Variants in MYLK observed in about 807,000 individuals in gnomAD.
MYLK encodes myosin light chain kinase, smooth muscle.
MYLK carries 106 observed loss-of-function variants against 203.4 expected under a neutral mutation model. The observed-to-expected ratio is 0.52, with a 90% CI of 0.45 to 0.61. The LOEUF (loss-of-function observed/expected upper bound fraction) is 0.61. MYLK is among the 20% of genes least tolerant of loss of function. The pLI, the probability that MYLK is intolerant of heterozygous loss-of-function variation, is 0.00. For synonymous variants in MYLK, 867 were observed against 959.5 expected (o/e 0.90, Z 1.78); for missense variants, 2,072 against 2,442.3 (o/e 0.85, Z 3.20).
intron 1 of MYLK, among the ~76,000 whole-genome samples, chr3:123,882,788 A>G (rs1020114841): frequency 2.0e-5 from 3 of 152,146 alleles, no homozygotes; most frequent in Non-Finnish European, 4.4e-5. Context: ...AAAAGGGGTA[A>G]CCTCACTCTG....
At chr3:123,872,249 C>A (rs191855231) in intron 2 of MYLK, among the ~76,000 whole-genome samples, 22 of 152,282 alleles carry the variant, frequency 1.4e-4, no homozygotes, top group African/African-American at 5.1e-4. Flanking sequence ...TTATGGCCCA[C>A]AAAGCCTAAA....
In MYLK at chr3:123,640,194, C is replaced by G; in HGVS notation, c.4837+93G>C. 8.1e-7 allele frequency: 1 copy of G among 1,231,744 alleles called. No homozygotes were observed. Among genetic ancestry groups the G allele is most frequent in the Non-Finnish European group, 1.2e-6 (1 of 838,126 alleles). 76.3% of individuals were successfully genotyped at this position (1,231,744 alleles called of 1,614,324 possible). On this transcript the variant is annotated intron_variant, in intron 28 of 33. Transcript: ENST00000360304. The surrounding 1 kb of genome is among the most constrained non-coding windows in gnomAD (Gnocchi z 4.3). ...AGTCTTCATGGTCTCGGATTTAACC[C>G]CAATACTGTATGTTTCCTCTCACAC...
chr3:123,801,234 A>T (rs1475869452), intron 3 of MYLK, among the ~76,000 whole-genome samples: 1 of 152,216 alleles, frequency 6.6e-6, no homozygotes, highest in African/African-American at 2.4e-5. Context: ...TTACAAAAAT[A>T]ACTTGGACCT....
intron 4 of MYLK, among the ~76,000 whole-genome samples, chr3:123,770,156 CAA>C (rs59411359): frequency 0.16 from 13,288 of 83,862 alleles, 1,921 homozygotes; most frequent in African/African-American, 0.38. Flanking sequence ...ACTAAAAATA[CAA>C]AAAAAAAAAA....
At chr3:123,825,772 T>C (rs2066095372) in intron 3 of MYLK, among the ~76,000 whole-genome samples, 1 of 152,170 alleles carries the variant, frequency 6.6e-6, no homozygotes, top group Non-Finnish European at 1.5e-5. Flanking sequence ...GGGCCCAAGA[T>C]CAGCTGTGAC....
chr3:123,637,522 A>G (rs979680707), intron 29 of MYLK, among the ~76,000 whole-genome samples: 3 of 152,068 alleles, frequency 2.0e-5, no homozygotes, highest in Non-Finnish European at 2.9e-5. Flanking sequence ...TTTCAGTTCT[A>G]ATTACTGTGT....
chr3:123,613,808 A>T lies in MYLK; in HGVS notation c.*297T>A. On this transcript the variant is annotated 3_prime_UTR_variant, in exon 34 of 34. Transcript: ENST00000360304. Reference sequence around the variant, plus strand: ...AGAATTTATGACTTTGCCCAGATAAATATTTGGTTTGGTTACTTTCTCTCT... The same window carrying T: ...AGAATTTATGACTTTGCCCAGATAATTATTTGGTTTGGTTACTTTCTCTCT... 2.5e-6 allele frequency: 1 copy of T among 398,916 alleles called. No homozygotes were observed. The highest frequency in any genetic ancestry group is 4.7e-6 in the Non-Finnish European group (1 of 214,602). The allele number at this position is 398,916 out of a possible 1,614,324, so 24.7% of individuals were successfully genotyped here. A position where few individuals can be genotyped will look rare whatever the true frequency, so the allele number is the denominator to read the frequency against.
At chr3:123,674,119 C>T (rs74875438) in intron 20 of MYLK, among the ~76,000 whole-genome samples, 3,497 of 152,232 alleles carry the variant, frequency 0.023, 58 homozygotes, top group Middle Eastern at 0.078. Flanking sequence ...ATGCCAAACA[C>T]GTACTGCCAG....
chr3:123,653,066 C>T (rs73200064), intron 24 of MYLK, among the ~76,000 whole-genome samples: 4,168 of 152,146 alleles, frequency 0.027, 93 homozygotes, highest in Non-Finnish European at 0.043. Flanking sequence ...AGTAGAAGAG[C>T]GAGAGGCAGG....
intron 3 of MYLK, among the ~76,000 whole-genome samples, chr3:123,822,636 G>A (rs965119266): frequency 1.3e-5 from 2 of 152,174 alleles, no homozygotes; most frequent in African/African-American, 4.8e-5. Flanking sequence ...CTATGACCAC[G>A]TTTGTGGGGC....
chr3:123,741,144 G>A (rs1041095458), intron 5 of MYLK, among the ~76,000 whole-genome samples: 1 of 152,144 alleles, frequency 6.6e-6, no homozygotes, highest in Non-Finnish European at 1.5e-5. Flanking sequence ...TGGGGAATTT[G>A]CAGGGAGTTT....
chr3:123,808,867 G>A (rs1001833964), intron 3 of MYLK, among the ~76,000 whole-genome samples: 50 of 152,238 alleles, frequency 3.3e-4, no homozygotes, highest in African/African-American at 1.2e-3. Flanking sequence ...CTCAGAAGTT[G>A]AGTAATAGTA....
Position 123,733,995 on chromosome 3 carries a change from T to A in MYLK, c.1001A>T (p.Gln334Leu). 6.2e-7 allele frequency: 1 copy of A among 1,614,206 alleles called. No homozygotes were observed. Among genetic ancestry groups the A allele is most frequent in the Non-Finnish European group, 8.5e-7 (1 of 1,180,042 alleles). ...GGAAGTCTTCTGAAGGACCGGGGTCTGCGGGGCCGTTCTGGGCGAGTCCTT... is the reference window on the plus strand; with the variant it reads ...GGAAGTCTTCTGAAGGACCGGGGTCAGCGGGGCCGTTCTGGGCGAGTCCTT... ...SCKDSPRTAP[Q>L]TPVLQKTSSS... Residue 334 changes from glutamine (Q) to leucine (L), a missense_variant, in exon 10 of 34, where the codon CAG (glutamine) becomes CTG (leucine). Gln to Leu is a moderately radical substitution (Grantham distance 113). Around this residue, in one of 3 missense-constraint regions of MYLK, gnomAD observed 683 missense variants for 643.8 expected, o/e 1.06. Coordinates refer to ENST00000360304, the MANE Select transcript of MYLK (RefSeq NM_053025.4).
intron 4 of MYLK, among the ~76,000 whole-genome samples, chr3:123,780,771 C>A (rs189500161): frequency 4.6e-5 from 7 of 152,318 alleles, no homozygotes; most frequent in Admixed American, 3.9e-4. Context: ...CATCACCTAA[C>A]CAAGTCTGAC....
chr3:123,714,008 G>C lies in MYLK; in HGVS notation c.1805-4115C>G, dbSNP rs2061805156. ...TTTCCCAACCCAACTAACTCCTTTG[G>C]TTGTGGAAATTCAACCTGATAATAA... On this transcript the variant is annotated intron_variant, in intron 13 of 33. Transcript: ENST00000360304. Among the ~76,000 whole-genome samples, 6 of 152,114 alleles carry C rather than the reference G, an allele frequency of 3.9e-5. No individual in the cohort carries two copies. The South Asian group carries it at 1.0e-3, about 26-fold the overall frequency.
chr3:123,738,390 C>T (rs112909137), intron 7 of MYLK, among the ~76,000 whole-genome samples: 1 of 152,240 alleles, frequency 6.6e-6, no homozygotes, highest in South Asian at 2.1e-4. Flanking sequence ...ACATGCATCC[C>T]TAACAAACAT....
intron 3 of MYLK, 130 bp from the exon 4 acceptor site, chr3:123,793,974 TC>T: frequency 2.1e-6 from 2 of 949,054 alleles, no homozygotes; most frequent in Non-Finnish European, 3.3e-6. Context: ...TAGGTCAGTG[TC>T]CACCCACAGC....
intron 23 of MYLK, among the ~76,000 whole-genome samples, chr3:123,658,612 T>C (rs2059465377): frequency 6.6e-6 from 1 of 152,150 alleles, no homozygotes; most frequent in East Asian, 1.9e-4. Flanking sequence ...AATTTGAAAC[T>C]GGTTTGTTTG....
intron 13 of MYLK, among the ~76,000 whole-genome samples, chr3:123,713,009 T>C (rs1469878998): frequency 6.6e-6 from 1 of 152,152 alleles, no homozygotes; most frequent in Non-Finnish European, 1.5e-5. Context: ...CAAATACTAT[T>C]AGGAATACAA....
Sources: gnomAD v4.1 joint callset for allele counts (sites outside exome capture counted in the v4.1 genomes callset) on GRCh38, gnomAD v4.1.1 for gene constraint, gnomAD v4.1.1 regional missense constraint, Gnocchi (gnomAD v3.1) non-coding constraint, MANE v1.5 for transcripts, NCBI Gene and HGNC (gene_info 2026-07-23, HGNC 2026-07-21) for gene names.